Variants in DLC1 observed in about 807,000 individuals in gnomAD.
DLC1 encodes DLC1 Rho GTPase activating protein.
In DLC1, 54 loss-of-function variants were observed where a neutral mutation model predicts 140.3. The observed-to-expected ratio is 0.38, with a 90% CI of 0.31 to 0.48. DLC1 has a LOEUF of 0.48. Among genes scored for constraint, DLC1 ranks in the 20% least tolerant of loss-of-function variants. The probability of loss-of-function intolerance (pLI) is 0.96; values close to 1 mark genes in which losing one functional copy is unlikely to be tolerated. For missense variants in DLC1, 2,536 were observed against 1,907.0 expected (o/e 1.33, Z -6.14); for synonymous variants, 986 against 728.1 (o/e 1.35, Z -5.70).
chr8:13,588,019 T>C (rs946079956), intron 1 of DLC1, among the ~76,000 whole-genome samples: 3 of 152,104 alleles, frequency 2.0e-5, no homozygotes, highest in Admixed American at 6.6e-5. Context: ...CTTTATTATA[T>C]AGGTCCTACT....
chr8:13,266,456 C>A (rs1454984204), intron 5 of DLC1, among the ~76,000 whole-genome samples: 1 of 152,058 alleles, frequency 6.6e-6, no homozygotes, highest in Non-Finnish European at 1.5e-5. Flanking sequence ...GTTAAGAAAG[C>A]TCTTTGGGTT....
At chr8:13,466,190 C>A (rs1440884238) in intron 2 of DLC1, among the ~76,000 whole-genome samples, 2 of 152,158 alleles carry the variant, frequency 1.3e-5, no homozygotes, top group African/African-American at 4.8e-5. Flanking sequence ...TTAGGTAACA[C>A]CCCGGGCCCC....
At chr8:13,555,344 G>T (rs573407521) in intron 1 of DLC1, among the ~76,000 whole-genome samples, 5 of 151,358 alleles carry the variant, frequency 3.3e-5, no homozygotes, top group African/African-American at 1.2e-4. Context: ...TTTTTAATAA[G>T]GTATTTCAAA....
At chr8:13,421,774 A>C (rs990740813) in intron 2 of DLC1, among the ~76,000 whole-genome samples, 4 of 152,182 alleles carry the variant, frequency 2.6e-5, no homozygotes, top group African/African-American at 9.6e-5. Context: ...TTCCTTGTGC[A>C]TAAGGAAACC....
intron 4 of DLC1, among the ~76,000 whole-genome samples, chr8:13,330,137 A>T (rs779425662): frequency 6.6e-6 from 1 of 151,928 alleles, no homozygotes; most frequent in Non-Finnish European, 1.5e-5. Context: ...GATAATTTTA[A>T]ATTTTTTTGT....
At position 13,151,540 on chromosome 8, in the gene DLC1, G is replaced by C. The variant is rs76413837; in HGVS notation, c.1349-35883C>G. On this transcript the variant is annotated intron_variant, in intron 5 of 17. Transcript: ENST00000276297. ...CAAATCAATGGAATTAGTCAGTCTA[G>C]AAATGGACTGAAAAAGAAAAAAGAA... Among the ~76,000 whole-genome samples the C allele has an allele frequency of 9.6e-3, 1,462 of 152,232 alleles. 18 individuals are homozygous for C. The highest frequency in any genetic ancestry group is 0.033 in the African/African-American group (1,355 of 41,538).
intron 5 of DLC1, among the ~76,000 whole-genome samples, chr8:13,172,054 C>A (rs1825514513): frequency 6.6e-6 from 1 of 152,064 alleles, no homozygotes; most frequent in Admixed American, 6.5e-5. Flanking sequence ...TTATAATAAC[C>A]AAAAAGAGCA....
chr8:13,380,625 C>T (rs987793513), intron 4 of DLC1, among the ~76,000 whole-genome samples: 9 of 152,168 alleles, frequency 5.9e-5, no homozygotes, highest in Admixed American at 3.9e-4. Flanking sequence ...TTACATTCCT[C>T]GAAGTGTTCT....
chr8:13,351,754 A>T (rs1240890604), intron 4 of DLC1, among the ~76,000 whole-genome samples: 1 of 152,242 alleles, frequency 6.6e-6, no homozygotes, highest in Admixed American at 6.5e-5. Context: ...CCAAGTCCTG[A>T]TTAAGAAAAA....
At chr8:13,149,291 T>C (rs1358650278) in intron 5 of DLC1, among the ~76,000 whole-genome samples, 1 of 152,172 alleles carries the variant, frequency 6.6e-6, no homozygotes, top group Non-Finnish European at 1.5e-5. Flanking sequence ...TGAGCTCTGT[T>C]CTTTTCCTTC....
chr8:13,405,196 G>A (rs1837471454), intron 2 of DLC1, among the ~76,000 whole-genome samples: 1 of 152,054 alleles, frequency 6.6e-6, no homozygotes, highest in Non-Finnish European at 1.5e-5. Context: ...TGTTACATGG[G>A]TATGTTGTGT....
rs928031675 is a variant in DLC1 at position 13,488,763 on chromosome 8, C to T, written c.1023+10286G>A. ...GTTCAAAACTTACCGAAGTTAATTA[C>T]GCTTAATATGAAAGTTAGTTATTTG... is the stretch of plus-strand genomic sequence containing the variant. On this transcript the variant is annotated intron_variant, in intron 2 of 17. Coordinates refer to ENST00000276297, the MANE Select transcript of DLC1 (RefSeq NM_182643.3). Among the ~76,000 whole-genome samples the T allele has an allele frequency of 1.1e-4, 16 of 152,200 alleles. 1 individual carries two copies. The highest frequency in any genetic ancestry group is 8.3e-4 in the South Asian group (4 of 4,826).
At chr8:13,309,768 G>A (rs995245846) in intron 4 of DLC1, among the ~76,000 whole-genome samples, 6 of 152,142 alleles carry the variant, frequency 3.9e-5, no homozygotes, top group Non-Finnish European at 8.8e-5. Flanking sequence ...CCGCACAGAA[G>A]CTGCTAACGT....
chr8:13,356,468 C>T (rs901003798), intron 4 of DLC1, among the ~76,000 whole-genome samples: 5 of 152,164 alleles, frequency 3.3e-5, no homozygotes, highest in African/African-American at 1.2e-4. Context: ...TACGAAATTC[C>T]TTGCCAATTA....
intron 4 of DLC1, among the ~76,000 whole-genome samples, chr8:13,331,083 C>G (rs1833566970): frequency 6.6e-6 from 1 of 152,176 alleles, no homozygotes; most frequent in African/African-American, 2.4e-5. Flanking sequence ...GAGCCAGGTT[C>G]CTCTGGTTCC....
Position 13,335,134 on chromosome 8 carries a change from C to A in DLC1, c.1315-29832G>T, listed in dbSNP as rs1346940683. On this transcript the variant is annotated intron_variant, in intron 4 of 17. Transcript: ENST00000276297. ...CAAGGTGTTTTTAAGACTATGGGGG[C>A]AGGATGAGATCTTCCAAAGAGAAAA... Among the ~76,000 whole-genome samples, 3 of 152,050 alleles carry A rather than the reference C, an allele frequency of 2.0e-5. No homozygotes were observed. The South Asian group carries it at 6.2e-4, about 32-fold the overall frequency.
At chr8:13,502,651 T>C (rs757296775) in intron 1 of DLC1, among the ~76,000 whole-genome samples, 25 of 152,224 alleles carry the variant, frequency 1.6e-4, no homozygotes, top group Non-Finnish European at 3.2e-4. Context: ...TATCCCCTAA[T>C]AGAGAGAAAT....
At chr8:13,475,080 CAGGA>C (rs1800380650) in intron 2 of DLC1, among the ~76,000 whole-genome samples, 1 of 151,780 alleles carries the variant, frequency 6.6e-6, no homozygotes. Flanking sequence ...CCCTAAGTGC[CAGGA>C]TTACAGCTGT....
intron 5 of DLC1, among the ~76,000 whole-genome samples, chr8:13,259,522 C>G (rs529871647): frequency 1.4e-4 from 22 of 152,060 alleles, no homozygotes; most frequent in Non-Finnish European, 2.8e-4. Flanking sequence ...GGAAGAAGAG[C>G]TTTATTATTA....
Sources: gnomAD v4.1 joint callset for allele counts (sites outside exome capture counted in the v4.1 genomes callset) on GRCh38, gnomAD v4.1.1 for gene constraint, MANE v1.5 for transcripts, NCBI Gene and HGNC (gene_info 2026-07-23, HGNC 2026-07-21) for gene names.